MED27: variants seen among roughly 807,000 people sequenced by gnomAD.
MED27 encodes the protein mediator complex subunit 27.
A neutral mutation model predicts 38.2 loss-of-function variants in MED27; 30 were observed. The ratio of observed to expected loss-of-function variants is 0.79; its 90% CI spans 0.59 to 1.07. The LOEUF is 1.07. Among genes scored for constraint, MED27 ranks in the 50% least tolerant of loss-of-function variants. The pLI is 0.00. For synonymous variants in MED27, 122 were observed against 153.5 expected (o/e 0.79, Z 1.52); for missense variants, 289 against 397.5 (o/e 0.73, Z 2.32).
chr9:131,876,577 C>T (rs1375347819), intron 6 of MED27, among the ~76,000 whole-genome samples: 1 of 152,140 alleles, frequency 6.6e-6, no homozygotes, highest in Non-Finnish European at 1.5e-5. Flanking sequence ...AAAGGGTTTT[C>T]GACTGTTGGA....
intron 2 of MED27, among the ~76,000 whole-genome samples, chr9:132,069,897 C>T (rs1000748637): frequency 6.6e-6 from 1 of 152,200 alleles, no homozygotes; most frequent in African/African-American, 2.4e-5. Flanking sequence ...TCAGAGTTCT[C>T]CTGACTGCAC....
intron 2 of MED27, among the ~76,000 whole-genome samples, chr9:132,041,888 C>A (rs565163630): frequency 7.2e-5 from 11 of 152,364 alleles, no homozygotes; most frequent in African/African-American, 2.6e-4. Context: ...ACCTACTTTG[C>A]TTAAATACTC....
At chr9:131,984,800 G>T (rs1046716630) in intron 3 of MED27, among the ~76,000 whole-genome samples, 2 of 152,258 alleles carry the variant, frequency 1.3e-5, no homozygotes, top group Admixed American at 6.5e-5. Context: ...CATTTATGCT[G>T]GTATTTTGAG....
chr9:131,907,193 C>T (rs191284312), intron 4 of MED27, among the ~76,000 whole-genome samples: 4 of 152,170 alleles, frequency 2.6e-5, no homozygotes, highest in South Asian at 2.1e-4. Context: ...GAATGCCTAA[C>T]GTGCTCTCCC....
At chr9:131,952,908 A>G (rs768481673) in intron 3 of MED27, among the ~76,000 whole-genome samples, 10 of 152,190 alleles carry the variant, frequency 6.6e-5, no homozygotes, top group Non-Finnish European at 1.3e-4. Context: ...AGTCTCCTCA[A>G]TCTGGAAATC....
intron 3 of MED27, among the ~76,000 whole-genome samples, chr9:132,000,866 G>A (rs535963718): frequency 2.2e-4 from 33 of 151,738 alleles, no homozygotes; most frequent in African/African-American, 4.8e-4. Flanking sequence ...GCTTACAGGC[G>A]TGAGCTACCA....
At chr9:132,070,275 G>A in intron 2 of MED27, among the ~76,000 whole-genome samples, 1 of 152,350 alleles carries the variant, frequency 6.6e-6, no homozygotes, top group South Asian at 2.1e-4. Flanking sequence ...AACAGGGCTT[G>A]CCGAGCATGG....
chr9:131,907,742 T>C (rs1381981864), intron 4 of MED27, among the ~76,000 whole-genome samples: 5 of 149,182 alleles, frequency 3.4e-5, no homozygotes, highest in African/African-American at 5.0e-5. Flanking sequence ...GGAGCGTCTC[T>C]GCCCGGCCGC....
intron 4 of MED27, among the ~76,000 whole-genome samples, chr9:131,902,191 T>G (rs1291248634): frequency 6.6e-6 from 1 of 152,118 alleles, no homozygotes; most frequent in Non-Finnish European, 1.5e-5. Flanking sequence ...GCTAATAAAC[T>G]ACTTGCTTCT....
At chr9:131,910,239 G>T (rs1283410182) in intron 4 of MED27, among the ~76,000 whole-genome samples, 3 of 151,992 alleles carry the variant, frequency 2.0e-5, no homozygotes, top group Admixed American at 6.6e-5. Flanking sequence ...TTTATGCCAA[G>T]AATTACACAA....
At chr9:132,067,602 T>C (rs570589222) in intron 2 of MED27, among the ~76,000 whole-genome samples, 25 of 152,264 alleles carry the variant, frequency 1.6e-4, no homozygotes, top group African/African-American at 4.6e-4. Flanking sequence ...AAAGTCTCCA[T>C]AGACAAAATG....
chr9:131,963,280 C>A (rs1050576262), intron 3 of MED27, among the ~76,000 whole-genome samples: 1 of 151,952 alleles, frequency 6.6e-6, no homozygotes, highest in African/African-American at 2.4e-5. Flanking sequence ...TAAGTTTTAG[C>A]GTAGAGAACA....
At chr9:131,923,994 C>T (rs902778548) in intron 4 of MED27, among the ~76,000 whole-genome samples, 5 of 152,148 alleles carry the variant, frequency 3.3e-5, no homozygotes, top group African/African-American at 7.2e-5. Flanking sequence ...CTCCATTGTG[C>T]GAGTGTATCA....
At chr9:131,884,213 T>A in intron 5 of MED27, 114 bp from the exon 6 acceptor site, 1 of 697,822 alleles carries the variant, frequency 1.4e-6, no homozygotes, top group Non-Finnish European at 2.3e-6. Flanking sequence ...AATCTGATTA[T>A]AGAATAATAG....
chr9:131,961,675 T>C (rs1324433035), intron 3 of MED27, among the ~76,000 whole-genome samples: 1 of 152,214 alleles, frequency 6.6e-6, no homozygotes, highest in African/African-American at 2.4e-5. Flanking sequence ...GCTGCTTTCG[T>C]GAACTAGCGA....
Position 131,860,431 on chromosome 9 carries a change from G to A in MED27, c.*107C>T. The A allele has an allele frequency of 7.9e-7, 1 of 1,272,044 alleles. No individual in the cohort carries two copies. The highest frequency in any genetic ancestry group is 2.8e-5 in the East Asian group (1 of 35,524). The allele number at this position is 1,272,044 out of a possible 1,614,324, so 78.8% of individuals were successfully genotyped here. ...TGGCGCTGCTTTATGAAAGGGAGGA[G>A]CAGCTGTACACATCTGGGCAGTGAG... On this transcript the variant is annotated 3_prime_UTR_variant, in exon 8 of 8. Coordinates refer to ENST00000292035, the MANE Select transcript of MED27 (RefSeq NM_004269.4). The surrounding 1 kb of genome is among the most constrained non-coding windows in gnomAD (Gnocchi z 5.8).
At chr9:132,054,422 CTCTTT>C (rs976075479) in intron 2 of MED27, among the ~76,000 whole-genome samples, 15 of 152,080 alleles carry the variant, frequency 9.9e-5, no homozygotes, top group African/African-American at 3.4e-4. Flanking sequence ...CCAATTAAAC[CTCTTT>C]TCTTTTATTT....
chr9:132,077,632 C>T lies in MED27; in HGVS notation c.204-46G>A, dbSNP rs551357204. ...GCAAATAAACCTAAGCCCATTTACA[C>T]TCCAGGGTAAAGCCAGCCCCCAGGA... On this transcript the variant is annotated intron_variant, in intron 1 of 7. Coordinates refer to ENST00000292035, the MANE Select transcript of MED27 (RefSeq NM_004269.4). 2.5e-6 allele frequency: 4 copies of T among 1,604,506 alleles called. No homozygotes were observed. In the Admixed American group the frequency reaches 5.1e-5, roughly 20 times the overall value.
chr9:131,967,746 CCCT>C (rs1158432723), intron 3 of MED27, among the ~76,000 whole-genome samples: 4 of 151,776 alleles, frequency 2.6e-5, no homozygotes, highest in African/African-American at 9.7e-5. Flanking sequence ...AGGTGATCCG[CCCT>C]CCTCAGGTGA....
Sources: allele counts gnomAD v4.1 joint callset (sites outside exome capture counted in the v4.1 genomes callset), GRCh38; gene constraint gnomAD v4.1.1; non-coding constraint Gnocchi (gnomAD v3.1); transcripts MANE v1.5; gene names NCBI Gene and HGNC (gene_info 2026-07-23, HGNC 2026-07-21).